The following NPHP4 variants were observed in gnomAD, a reference collection of about 807,000 sequenced individuals.
NPHP4 encodes the protein nephrocystin-4.
NPHP4 carries 151 observed loss-of-function variants against 155.8 expected under a neutral mutation model. That is an observed-to-expected ratio of 0.97 (90% confidence interval 0.85 to 1.11). The LOEUF is 1.11. Among genes scored for constraint, NPHP4 ranks in the 50% least tolerant of loss-of-function variants. The pLI, the probability that NPHP4 is intolerant of heterozygous loss-of-function variation, is 0.00. For synonymous variants in NPHP4, 845 were observed against 816.8 expected, an observed-to-expected ratio of 1.03 and a Z score of -0.59; for missense variants, 1,956 against 1,925.7, an observed-to-expected ratio of 1.02 and a Z score of -0.29.
At chr1:5,975,614 T>C (rs1353756146) in intron 3 of NPHP4, among the ~76,000 whole-genome samples, 1 of 152,208 alleles carries the variant, frequency 6.6e-6, no homozygotes. Flanking sequence ...CTGAGCCACG[T>C]GGCTCCCACA....
At chr1:5,987,272 C>G (rs553958368) in intron 1 of NPHP4, among the ~76,000 whole-genome samples, 40 of 152,182 alleles carry the variant, frequency 2.6e-4, no homozygotes, top group African/African-American at 9.4e-4. Context: ...AGATCTGAAC[C>G]TCAAGAAGAG....
intron 9 of NPHP4, among the ~76,000 whole-genome samples, chr1:5,941,289 CAAAAA>C (rs66676950): frequency 6.7e-5 from 3 of 44,776 alleles, no homozygotes; most frequent in African/African-American, 9.8e-5. Context: ...GAGATCTAGA[CAAAAA>C]AAAAAAAAAA....
At chr1:5,911,594 A>G (rs529310917) in intron 11 of NPHP4, among the ~76,000 whole-genome samples, 213 of 152,288 alleles carry the variant, frequency 1.4e-3, no homozygotes, top group African/African-American at 4.5e-3. Context: ...GTAACTCTTT[A>G]TATCATGACT....
At chr1:5,881,076 G>A (rs1415688147) in intron 18 of NPHP4, 1 of 152,242 alleles carries the variant, frequency 6.6e-6, no homozygotes, top group East Asian at 1.9e-4. Flanking sequence ...CCTTCCCCTG[G>A]GCTTCCTGCC....
chr1:5,939,545 G>A (rs146032492), intron 9 of NPHP4, among the ~76,000 whole-genome samples: 218 of 152,318 alleles, frequency 1.4e-3, no homozygotes, highest in Non-Finnish European at 2.6e-3. Context: ...GCCCTGCAGG[G>A]CCTCTACTTC....
intron 1 of NPHP4, among the ~76,000 whole-genome samples, chr1:5,986,647 C>T (rs1655532751): frequency 6.6e-6 from 1 of 152,090 alleles, no homozygotes; most frequent in Non-Finnish European, 1.5e-5. Flanking sequence ...TGGGATGATT[C>T]ACTTTTCCTG....
chr1:5,890,880 G>T lies in NPHP4; in HGVS notation c.2292C>A (p.Ala764=). ...AGAGAGCCGCTACCTTCATCTGGAC[G>T]GCAGCAGATCCGATGAGCAGCAGGG... ...GDSLLLIGSA[A]VQMKHLLRQG... is the part of the protein sequence containing the mutation. The change falls in exon 17 of 30, where the codon GCC becomes GCA. Residue 764 remains alanine, a synonymous_variant. Transcript: ENST00000378156. The surrounding 1 kb of genome is among the most constrained non-coding windows in gnomAD (Gnocchi z 4.9). 1 of 1,609,840 alleles carries T rather than the reference G, an allele frequency of 6.2e-7. No individual in the cohort carries two copies. Among genetic ancestry groups the T allele is most frequent in the South Asian group, 1.1e-5 (1 of 90,474 alleles).
At chr1:5,909,309 C>T (rs868819532) in intron 11 of NPHP4, 96 bp from the exon 12 acceptor site, 1 of 928,434 alleles carries the variant, frequency 1.1e-6, no homozygotes, top group South Asian at 1.4e-5. Flanking sequence ...TCTCCACAGG[C>T]CTCACCACCT....
At position 5,933,185 on chromosome 1, in the gene NPHP4, C is replaced by T; in HGVS notation, c.1264G>A (p.Val422Ile). ...ATGCTGGCTGAGGGTACCTTGTAGA[C>T]CAGACAGTGCGAGGGGTTGGGCTGG... is the stretch of plus-strand genomic sequence containing the variant. The part of the protein sequence containing the change: ...GIQPNPSHCL[V>I]YKVPSASMSS... Residue 422 changes from valine to isoleucine, a missense_variant, in exon 10 of 30, where the codon GTC (valine) becomes ATC (isoleucine). By Grantham distance (29) the Val-to-Ile change is conservative. Coordinates refer to ENST00000378156, the MANE Select transcript of NPHP4 (RefSeq NM_015102.5). 1.2e-6 allele frequency: 2 copies of T among 1,612,316 alleles called. No individual in the cohort carries two copies. The highest frequency in any genetic ancestry group is 1.7e-4 in the Middle Eastern group (1 of 6,054).
At chr1:5,901,519 G>A (rs189212815) in intron 16 of NPHP4, among the ~76,000 whole-genome samples, 1 of 152,354 alleles carries the variant, frequency 6.6e-6, no homozygotes, top group East Asian at 1.9e-4. Context: ...AGAAAAATTT[G>A]ATTTTGGAGT....
In NPHP4 at chr1:5,909,210, G is replaced by C; in HGVS notation, c.1445C>G (p.Pro482Arg). ...SRKPPTSPSS[P>R]PAPVPRVLAA... is the part of the protein sequence containing the mutation. Reference sequence around the variant, plus strand: ...GAGAACTCGAGGTACTGGCGCTGGCGGGCCTGGGAGGAAGCACAGTGGGGT... The same window carrying C: ...GAGAACTCGAGGTACTGGCGCTGGCCGGCCTGGGAGGAAGCACAGTGGGGT... The change falls in exon 12 of 30, where the codon CCG becomes CGG. Residue 482 changes from proline (P) to arginine (R), a missense_variant. Coordinates refer to ENST00000378156, the MANE Select transcript of NPHP4 (RefSeq NM_015102.5). 3.1e-6 allele frequency: 5 copies of C among 1,601,686 alleles called. No individual in the cohort carries two copies. The highest frequency in any genetic ancestry group is 4.3e-6 in the Non-Finnish European group (5 of 1,174,416).
intron 18 of NPHP4, among the ~76,000 whole-genome samples, chr1:5,884,498 A>G (rs1161527544): frequency 3.7e-5 from 5 of 133,622 alleles, no homozygotes; most frequent in East Asian, 2.3e-4. Flanking sequence ...GTCCTACTCC[A>G]CAACCAAGAT....
chr1:5,877,437 C>G, intron 19 of NPHP4, 139 bp from the exon 20 acceptor site: 1 of 552,708 alleles, frequency 1.8e-6, no homozygotes, highest in East Asian at 3.1e-5. Context: ...CAGCTCCAAT[C>G]TGCAGAGTTC....
intron 16 of NPHP4, among the ~76,000 whole-genome samples, chr1:5,891,780 A>C (rs1366443928): frequency 6.6e-6 from 1 of 152,216 alleles, no homozygotes; most frequent in East Asian, 1.9e-4. Flanking sequence ...AGGTTTACTC[A>C]GCACCTCCAG....
chr1:5,917,067 G>C lies in NPHP4; in HGVS notation c.1442-7854C>G, dbSNP rs182925526. ...TCGGGAGACCAGGAGCCCCAACCCAGAGGCAGCCACTATCTGTCAACTTCA... is the reference window on the plus strand; with the variant it reads ...TCGGGAGACCAGGAGCCCCAACCCACAGGCAGCCACTATCTGTCAACTTCA... On this transcript the variant is annotated intron_variant, in intron 11 of 29. Coordinates refer to ENST00000378156, the MANE Select transcript of NPHP4 (RefSeq NM_015102.5). Among the ~76,000 whole-genome samples, 645 of 152,290 alleles carry C rather than the reference G, an allele frequency of 4.2e-3. 6 individuals are homozygous for C. Among genetic ancestry groups the C allele is most frequent in the African/African-American group, 0.014 (598 of 41,560 alleles).
At chr1:5,917,207 C>T (rs774122606) in intron 11 of NPHP4, among the ~76,000 whole-genome samples, 2 of 152,118 alleles carry the variant, frequency 1.3e-5, no homozygotes, top group East Asian at 3.9e-4. Context: ...GGGTGTGTGA[C>T]CAAGGCCAAC....
chr1:5,875,462 C>T (rs1217055701), intron 20 of NPHP4, among the ~76,000 whole-genome samples: 1 of 152,232 alleles, frequency 6.6e-6, no homozygotes, highest in Non-Finnish European at 1.5e-5. Flanking sequence ...TGACAGGCCT[C>T]ACCAGCCAGG....
chr1:5,865,013 C>G (rs1298927940), intron 27 of NPHP4, 89 bp downstream of exon 27: 1 of 1,353,576 alleles, frequency 7.4e-7, no homozygotes, highest in Non-Finnish European at 1.0e-6. Context: ...GCTGTCAGGG[C>G]CACCCACTGT....
intron 6 of NPHP4, 53 bp from the exon 7 acceptor site, chr1:5,952,889 G>A: frequency 6.6e-7 from 1 of 1,516,788 alleles, no homozygotes. Flanking sequence ...AACACCCACT[G>A]GCAGCCACCG....
Sources: allele counts gnomAD v4.1 joint callset (sites outside exome capture counted in the v4.1 genomes callset), GRCh38; gene constraint gnomAD v4.1.1; non-coding constraint Gnocchi (gnomAD v3.1); transcripts MANE v1.5; gene names NCBI Gene and HGNC (gene_info 2026-07-23, HGNC 2026-07-21).